The following PTPRD variants were observed in gnomAD, a reference collection of about 807,000 sequenced individuals.
PTPRD encodes protein tyrosine phosphatase receptor type D, also known as receptor-type tyrosine-protein phosphatase delta.
In PTPRD, 34 loss-of-function variants were observed where a neutral mutation model predicts 214.5. The ratio of observed to expected loss-of-function variants is 0.16; its 90% CI spans 0.12 to 0.21. The LOEUF is 0.21. Among genes scored for constraint, PTPRD ranks in the 10% least tolerant of loss-of-function variants. The probability of loss-of-function intolerance (pLI) is 1.00; values close to 1 mark genes in which losing one functional copy is unlikely to be tolerated. For synonymous variants in PTPRD, 1,128 were observed against 845.7 expected, an observed-to-expected ratio of 1.33 and a Z score of -5.79; for missense variants, 2,545 against 2,398.7, an observed-to-expected ratio of 1.06 and a Z score of -1.27.
intron 2 of PTPRD, among the ~76,000 whole-genome samples, chr9:10,607,619 T>G (rs974687605): frequency 6.6e-6 from 1 of 151,924 alleles, no homozygotes; most frequent in Admixed American, 6.6e-5. Context: ...TAGAGATACA[T>G]ATCTACTTGC....
chr9:8,791,492 C>A (rs918123729), intron 11 of PTPRD, among the ~76,000 whole-genome samples: 6 of 144,966 alleles, frequency 4.1e-5, no homozygotes, highest in African/African-American at 1.5e-4. Context: ...CCAAAGTGCT[C>A]GGATTACAGG....
intron 11 of PTPRD, among the ~76,000 whole-genome samples, chr9:8,942,128 C>A (rs780866295): frequency 1.3e-5 from 2 of 152,144 alleles, no homozygotes; most frequent in Non-Finnish European, 2.9e-5. Flanking sequence ...CTTAATGCAA[C>A]CTGCTAGCAT....
At chr9:9,143,196 A>G (rs2099863207) in intron 10 of PTPRD, among the ~76,000 whole-genome samples, 1 of 152,202 alleles carries the variant, frequency 6.6e-6, no homozygotes, top group Non-Finnish European at 1.5e-5. Flanking sequence ...TGAGACCCTG[A>G]CAGAGCAACC....
In PTPRD at chr9:9,322,101, T is replaced by C. The variant is rs189685902; in HGVS notation, c.-203+75348A>G. Among the ~76,000 whole-genome samples, 8 of 152,296 alleles carry C rather than the reference T, an allele frequency of 5.3e-5. No individual in the cohort carries two copies. The East Asian group carries it at 1.5e-3, about 29-fold the overall frequency. ...TATTTTAATTACACAAGGCTCTAAGTGTACAGGCAAAACCATGACCTGGAA... is the reference window on the plus strand; with the variant it reads ...TATTTTAATTACACAAGGCTCTAAGCGTACAGGCAAAACCATGACCTGGAA... On this transcript the variant is annotated intron_variant, in intron 9 of 45. Transcript: ENST00000381196.
At chr9:9,701,157 A>C (rs1564628034) in intron 7 of PTPRD, among the ~76,000 whole-genome samples, 1 of 152,146 alleles carries the variant, frequency 6.6e-6, no homozygotes, top group Non-Finnish European at 1.5e-5. Flanking sequence ...CCATTCTTGG[A>C]TGAGCTTAGG....
intron 9 of PTPRD, among the ~76,000 whole-genome samples, chr9:9,319,386 T>C (rs553233517): frequency 1.3e-5 from 2 of 152,220 alleles, no homozygotes; most frequent in East Asian, 3.9e-4. Flanking sequence ...TGTTATGTAA[T>C]AAGAAAATTA....
intron 2 of PTPRD, among the ~76,000 whole-genome samples, chr9:10,341,581 A>G (rs1037247442): frequency 4.6e-5 from 7 of 151,976 alleles, no homozygotes; most frequent in Admixed American, 3.3e-4. Context: ...TGGCCACAGT[A>G]TTGTAGAATG....
chr9:9,339,357 G>A (rs1472925149), intron 9 of PTPRD, among the ~76,000 whole-genome samples: 1 of 151,936 alleles, frequency 6.6e-6, no homozygotes, highest in African/African-American at 2.4e-5. Flanking sequence ...ATGGTGGTGG[G>A]TGCCTGTAGT....
chr9:8,351,529 C>G (rs2075446048), intron 39 of PTPRD, among the ~76,000 whole-genome samples: 1 of 151,382 alleles, frequency 6.6e-6, no homozygotes, highest in South Asian at 2.1e-4. Flanking sequence ...GTTGAGGCTC[C>G]AAAGACACAG....
intron 11 of PTPRD, among the ~76,000 whole-genome samples, chr9:8,955,146 T>A (rs1362047466): frequency 6.6e-6 from 1 of 151,870 alleles, no homozygotes; most frequent in Non-Finnish European, 1.5e-5. Flanking sequence ...ATAATACTCT[T>A]AAAAAATATG....
Position 8,993,578 on chromosome 9 carries a change from C to G in PTPRD, c.-104+25119G>C, listed in dbSNP as rs187743073. On this transcript the variant is annotated intron_variant, in intron 11 of 45. Transcript: ENST00000381196. ...ATAGAATGCAATGATATATTTGGAT[C>G]AAAATTTTCCTAAAATTTTCAGGGA... Among the ~76,000 whole-genome samples the G allele has an allele frequency of 3.9e-5, 6 of 152,148 alleles. No homozygotes were observed. In the East Asian group the frequency reaches 1.2e-3, roughly 29 times the overall value.
At chr9:9,546,118 T>C (rs1266940665) in intron 8 of PTPRD, among the ~76,000 whole-genome samples, 1 of 151,632 alleles carries the variant, frequency 6.6e-6, no homozygotes, top group African/African-American at 2.4e-5. Context: ...TATATAGCAG[T>C]TTTTTTCACT....
At chr9:10,029,785 T>G (rs2097017920) in intron 4 of PTPRD, among the ~76,000 whole-genome samples, 1 of 152,158 alleles carries the variant, frequency 6.6e-6, no homozygotes, top group Non-Finnish European at 1.5e-5. Flanking sequence ...GAGTTAAGAC[T>G]TCGAGGGTCT....
chr9:9,796,344 G>T (rs1229809360), intron 5 of PTPRD, among the ~76,000 whole-genome samples: 4 of 152,108 alleles, frequency 2.6e-5, no homozygotes, highest in Non-Finnish European at 4.4e-5. Flanking sequence ...AGGATTCAAG[G>T]TTTGCATAGA....
intron 11 of PTPRD, among the ~76,000 whole-genome samples, chr9:8,892,014 A>G (rs535584211): frequency 6.6e-6 from 1 of 150,466 alleles, no homozygotes; most frequent in East Asian, 2.0e-4. Context: ...TCGTTCACAT[A>G]CTCTCCCCTT....
chr9:8,318,080 C>G, intron 45 of PTPRD, 138 bp from the exon 46 acceptor site: 1 of 702,654 alleles, frequency 1.4e-6, no homozygotes, highest in African/African-American at 1.8e-5. Flanking sequence ...CTGGTCTAAT[C>G]CAATGACCAA....
chr9:9,443,015 C>T (rs1274365195), intron 8 of PTPRD, among the ~76,000 whole-genome samples: 1 of 152,020 alleles, frequency 6.6e-6, no homozygotes, highest in African/African-American at 2.4e-5. Flanking sequence ...GATAAGTATT[C>T]TTTCTTAAAT....
chr9:9,918,288 A>C (rs2081501395), intron 5 of PTPRD, among the ~76,000 whole-genome samples: 1 of 150,362 alleles, frequency 6.7e-6, no homozygotes, highest in South Asian at 2.1e-4. Flanking sequence ...CAAGAAAACT[A>C]TCTCATTTAC....
At chr9:9,825,273 T>G (rs2052344944) in intron 5 of PTPRD, among the ~76,000 whole-genome samples, 1 of 151,302 alleles carries the variant, frequency 6.6e-6, no homozygotes, top group African/African-American at 2.4e-5. Context: ...CTTCTCAACC[T>G]CTGAAATATA....
Sources: allele counts gnomAD v4.1 joint callset (sites outside exome capture counted in the v4.1 genomes callset), GRCh38; gene constraint gnomAD v4.1.1; transcripts MANE v1.5; gene names NCBI Gene and HGNC (gene_info 2026-07-23, HGNC 2026-07-21).